Variants in PDE5A observed in about 807,000 individuals in gnomAD.
PDE5A encodes phosphodiesterase 5A.
PDE5A carries 67 observed loss-of-function variants against 110.2 expected under a neutral mutation model. The ratio of observed to expected loss-of-function variants is 0.61; its 90% CI spans 0.50 to 0.75. PDE5A has a LOEUF of 0.75. Among genes scored for constraint, PDE5A ranks in the 30% least tolerant of loss-of-function variants. The probability of loss-of-function intolerance (pLI) is 0.00; values close to 1 mark genes in which losing one functional copy is unlikely to be tolerated. For missense variants in PDE5A, 862 were observed against 1,045.1 expected (o/e 0.82, Z 2.42); for synonymous variants, 328 against 351.2 (o/e 0.93, Z 0.74).
At position 119,505,862 on chromosome 4, in the gene PDE5A, ACTC is replaced by A. The variant is rs1328997776; in HGVS notation, c.2257_2259del (p.Glu753del). On this transcript the variant is annotated inframe_deletion, in exon 17 of 21. Transcript: ENST00000354960. ...GATAGTAAACCTACTTACAAAAACA[ACTC>A]CTTTTGATGAGGATCTTCCAAATTG... 2.6e-6 allele frequency: 4 copies of A among 1,550,334 alleles called. No individual in the cohort carries two copies. Among genetic ancestry groups the A allele is most frequent in the East Asian group, 2.3e-5 (1 of 42,990 alleles).
chr4:119,506,032 C>A, intron 16 of PDE5A, 100 bp from the exon 17 acceptor site: 1 of 560,114 alleles, frequency 1.8e-6, no homozygotes, highest in Non-Finnish European at 3.0e-6. Context: ...TGAAAAAAAA[C>A]CTCTGATTTT....
chr4:119,556,461 A>G (rs36040693), intron 7 of PDE5A, among the ~76,000 whole-genome samples: 40,007 of 152,178 alleles, frequency 0.26, 5,394 homozygotes, highest in East Asian at 0.38. Flanking sequence ...TTGGTCCCCA[A>G]GGTCTTTGTG....
In PDE5A at chr4:119,628,542, A is replaced by T; in HGVS notation, c.130T>A (p.Tyr44Asn). The change falls in exon 1 of 21, where the codon TAC becomes AAC. Residue 44 changes from tyrosine to asparagine, a missense_variant. Tyr to Asn is a moderately radical substitution (Grantham distance 143). Transcript: ENST00000354960. The stretch of plus-strand genomic sequence containing the variant: ...TACCTGGTGGCTTTTCTAACAAAGT[A>T]TGAGAAGGTAAAGTCCCAGTGATCG... ...LDDHWDFTFS[Y>N]FVRKATREMV... is the part of the protein sequence containing the mutation. 3 of 1,593,344 alleles carry T rather than the reference A, an allele frequency of 1.9e-6. No homozygotes were observed. The highest frequency in any genetic ancestry group is 2.6e-6 in the Non-Finnish European group (3 of 1,166,050).
intron 3 of PDE5A, among the ~76,000 whole-genome samples, chr4:119,589,882 C>A (rs1242108245): frequency 6.6e-6 from 1 of 152,146 alleles, no homozygotes; most frequent in Non-Finnish European, 1.5e-5. Flanking sequence ...CTCCTTGTTG[C>A]CACCTCAAGT....
At chr4:119,588,827 G>A (rs954984404) in intron 3 of PDE5A, among the ~76,000 whole-genome samples, 1 of 152,060 alleles carries the variant, frequency 6.6e-6, no homozygotes, top group Non-Finnish European at 1.5e-5. Flanking sequence ...GAAGATATAC[G>A]CTAAAATGCT....
intron 2 of PDE5A, among the ~76,000 whole-genome samples, chr4:119,606,197 T>G (rs1452099479): frequency 6.6e-6 from 1 of 152,186 alleles, no homozygotes; most frequent in African/African-American, 2.4e-5. Flanking sequence ...TAAGTTTATC[T>G]GTTTAAAAAA....
Position 119,525,550 on chromosome 4 carries a change from T to A in PDE5A, c.1778A>T (p.Glu593Val). 1 of 1,612,540 alleles carries A rather than the reference T, an allele frequency of 6.2e-7. No homozygotes were observed. The highest frequency in any genetic ancestry group is 8.5e-7 in the Non-Finnish European group (1 of 1,179,008). ...CAAAGGATGTTGCTGCATTCCTACC[T>A]CATGTTTCATCTGGAAGTTCTGCAC... ...NLVQNFQMKH[E>V]VLCRWILSVK... The change falls in exon 12 of 21, where the codon GAG (glutamate) becomes GTG (valine). Residue 593 changes from glutamate (E) to valine (V), a missense_variant and splice_region_variant. By Grantham distance (121) the Glu-to-Val change is moderately radical. Transcript: ENST00000354960. The surrounding 1 kb of genome is among the most constrained non-coding windows in gnomAD (Gnocchi z 4.3).
chr4:119,620,111 C>G (rs2110563639), intron 1 of PDE5A, among the ~76,000 whole-genome samples: 1 of 152,330 alleles, frequency 6.6e-6, no homozygotes, highest in South Asian at 2.1e-4. Flanking sequence ...AAAAGTGTCA[C>G]CACCAAATGC....
At chr4:119,621,402 A>G (rs1578835731) in intron 1 of PDE5A, among the ~76,000 whole-genome samples, 1 of 152,350 alleles carries the variant, frequency 6.6e-6, no homozygotes, top group Admixed American at 6.5e-5. Flanking sequence ...ACTGATATGG[A>G]TAAGAAGGCA....
intron 7 of PDE5A, among the ~76,000 whole-genome samples, chr4:119,557,014 G>A (rs1309171221): frequency 8.7e-6 from 1 of 115,432 alleles, no homozygotes; most frequent in African/African-American, 2.9e-5. Context: ...AGCTCCAATT[G>A]TAGAAAGAGT....
At chr4:119,562,155 T>G (rs183017039) in intron 6 of PDE5A, among the ~76,000 whole-genome samples, 221 of 152,330 alleles carry the variant, frequency 1.5e-3, no homozygotes, top group African/African-American at 5.3e-3. Flanking sequence ...AAAAACTGCC[T>G]TAGGCCAGGG....
rs1300409822 is a variant in PDE5A at position 119,594,721 on chromosome 4, C to T, written c.831+1802G>A. 2.0e-5 allele frequency among the ~76,000 whole-genome samples: 3 copies of T among 152,128 alleles called. No homozygotes were observed. The South Asian group carries it at 6.2e-4, about 32-fold the overall frequency. ...TCATTGCTGCAGGCATTTTTAGTTA[C>T]TACTGCTGGAACTACACTTTTTAAG... On this transcript the variant is annotated intron_variant, in intron 3 of 20. Coordinates refer to ENST00000354960, the MANE Select transcript of PDE5A (RefSeq NM_001083.4).
chr4:119,565,975 A>G (rs985956740), intron 4 of PDE5A, among the ~76,000 whole-genome samples: 1 of 147,064 alleles, frequency 6.8e-6, no homozygotes, highest in African/African-American at 2.5e-5. Flanking sequence ...TATTATAATT[A>G]ATAATAATTA....
intron 20 of PDE5A, chr4:119,500,947 A>G (rs1026669480): frequency 2.0e-6 from 1 of 503,882 alleles, no homozygotes; most frequent in African/African-American, 1.9e-5. Flanking sequence ...GCATCCCCAA[A>G]TCAATTTGTT....
intron 1 of PDE5A, among the ~76,000 whole-genome samples, chr4:119,615,922 A>G (rs771288181): frequency 1.3e-5 from 2 of 152,200 alleles, no homozygotes; most frequent in Non-Finnish European, 2.9e-5. Flanking sequence ...AAATGCAATG[A>G]ACATTGAAGC....
At chr4:119,544,289 T>C (rs1727055516) in intron 9 of PDE5A, among the ~76,000 whole-genome samples, 1 of 152,210 alleles carries the variant, frequency 6.6e-6, no homozygotes, top group Admixed American at 6.5e-5. Flanking sequence ...CTTATCTATT[T>C]GCAATAGTGC....
chr4:119,606,211 AAG>A (rs1729522932), intron 2 of PDE5A, among the ~76,000 whole-genome samples: 1 of 152,200 alleles, frequency 6.6e-6, no homozygotes, highest in African/African-American at 2.4e-5. Context: ...TAAAAAATGA[AAG>A]AGAGGATAGA....
At chr4:119,542,661 A>C (rs982985443) in intron 9 of PDE5A, 27 bp from the exon 10 acceptor site, 1 of 1,596,280 alleles carries the variant, frequency 6.3e-7, no homozygotes, top group African/African-American at 1.3e-5. Context: ...AATTGAGCAA[A>C]TGTTATTGTT....
chr4:119,598,081 GATAT>G (rs2110539089), intron 2 of PDE5A, among the ~76,000 whole-genome samples: 1 of 152,076 alleles, frequency 6.6e-6, no homozygotes, highest in South Asian at 2.1e-4. Context: ...AAAAATTATT[GATAT>G]ATAGTGAATT....
Sources: allele counts gnomAD v4.1 joint callset (sites outside exome capture counted in the v4.1 genomes callset), GRCh38; gene constraint gnomAD v4.1.1; non-coding constraint Gnocchi (gnomAD v3.1); transcripts MANE v1.5; gene names NCBI Gene and HGNC (gene_info 2026-07-23, HGNC 2026-07-21).